SDK1: variants seen among roughly 807,000 people sequenced by gnomAD.
SDK1 encodes protein sidekick-1.
Under a neutral mutation model 245.5 loss-of-function variants are expected in SDK1, and 157 were observed. The ratio of observed to expected loss-of-function variants is 0.64; its 90% CI spans 0.56 to 0.73. The LOEUF (loss-of-function observed/expected upper bound fraction) is 0.73, where lower values mean the gene tolerates loss of function less well. Among genes scored for constraint, SDK1 ranks in the 30% least tolerant of loss-of-function variants. The pLI, the probability that SDK1 is intolerant of heterozygous loss-of-function variation, is 0.00. For synonymous variants in SDK1, 1,647 were observed against 1,278.5 expected (o/e 1.29, Z -6.15); for missense variants, 3,583 against 3,002.3 (o/e 1.19, Z -4.52).
intron 5 of SDK1, among the ~76,000 whole-genome samples, chr7:3,907,858 A>C (rs1229020106): frequency 6.6e-6 from 1 of 152,138 alleles, no homozygotes; most frequent in Non-Finnish European, 1.5e-5. Context: ...TGTGTACACC[A>C]TGTCTACCCA....
intron 43 of SDK1, among the ~76,000 whole-genome samples, chr7:4,245,452 G>A (rs1786789213): frequency 3.3e-5 from 5 of 152,142 alleles, no homozygotes; most frequent in Admixed American, 3.3e-4. Flanking sequence ...CATGCCTGCA[G>A]GCCTAGCACA....
At position 4,169,694 on chromosome 7, in the gene SDK1, C is replaced by T. The variant is rs145563098; in HGVS notation, c.4801-4528C>T. Among the ~76,000 whole-genome samples the T allele has an allele frequency of 7.2e-5, 11 of 152,298 alleles. No homozygotes were observed. In the East Asian group the frequency reaches 2.1e-3, roughly 29 times the overall value. On this transcript the variant is annotated intron_variant, in intron 32 of 44. Transcript: ENST00000404826. Reference sequence around the variant, plus strand: ...GCGGAGCTCAGTGTTTGCGTGCATTCCTCCAGTAACATGCCCTGAGCTCTT... The same window carrying T: ...GCGGAGCTCAGTGTTTGCGTGCATTTCTCCAGTAACATGCCCTGAGCTCTT...
At chr7:3,504,393 A>G (rs1242400417) in intron 1 of SDK1, among the ~76,000 whole-genome samples, 2 of 151,996 alleles carry the variant, frequency 1.3e-5, no homozygotes, top group African/African-American at 2.4e-5. Context: ...TGGAGGACTC[A>G]TATTTTCCAA....
At chr7:3,880,403 G>C (rs773678841) in intron 5 of SDK1, among the ~76,000 whole-genome samples, 1 of 152,162 alleles carries the variant, frequency 6.6e-6, no homozygotes, top group Non-Finnish European at 1.5e-5. Context: ...GAACCAGCAC[G>C]GGGCGGGGGC....
chr7:3,416,304 T>C (rs1387313808), intron 1 of SDK1, among the ~76,000 whole-genome samples: 1 of 152,092 alleles, frequency 6.6e-6, no homozygotes. Flanking sequence ...GGTCTCACTT[T>C]TTTGTGTTCA....
intron 1 of SDK1, among the ~76,000 whole-genome samples, chr7:3,607,975 T>C (rs911710913): frequency 6.6e-6 from 1 of 152,204 alleles, no homozygotes; most frequent in Non-Finnish European, 1.5e-5. Context: ...CCAAAATCAT[T>C]TCATCAGAAT....
At chr7:3,978,362 A>G (rs73673204) in intron 13 of SDK1, among the ~76,000 whole-genome samples, 4,641 of 152,304 alleles carry the variant, frequency 0.03, 227 homozygotes, top group African/African-American at 0.1. Flanking sequence ...TCCTCTAAGT[A>G]AAATACATTT....
chr7:3,432,123 AAAT>A (rs1381461851), intron 1 of SDK1, among the ~76,000 whole-genome samples: 7 of 138,050 alleles, frequency 5.1e-5, no homozygotes, highest in Non-Finnish European at 9.4e-5. Flanking sequence ...AAAAAAAAAA[AAAT>A]ATATATATGT....
At chr7:3,744,827 CAAAA>C (rs912254384) in intron 4 of SDK1, among the ~76,000 whole-genome samples, 6 of 146,320 alleles carry the variant, frequency 4.1e-5, no homozygotes, top group East Asian at 2.0e-4. Flanking sequence ...AACAAACAAA[CAAAA>C]AAAAACAAAA....
intron 4 of SDK1, among the ~76,000 whole-genome samples, chr7:3,702,788 G>A (rs1486744446): frequency 6.6e-6 from 1 of 152,112 alleles, no homozygotes; most frequent in African/African-American, 2.4e-5. Flanking sequence ...TTTACTCATG[G>A]TACTCCTTGA....
chr7:4,183,566 G>A (rs947215080), intron 35 of SDK1, among the ~76,000 whole-genome samples: 21 of 151,444 alleles, frequency 1.4e-4, no homozygotes, highest in Admixed American at 5.9e-4. Flanking sequence ...ACCGGAACCC[G>A]GGAGGCAGAG....
At chr7:3,579,496 C>G (rs1003049134) in intron 1 of SDK1, among the ~76,000 whole-genome samples, 1 of 152,192 alleles carries the variant, frequency 6.6e-6, no homozygotes, top group Non-Finnish European at 1.5e-5. Flanking sequence ...TAAAAACTCT[C>G]AATAAACTAC....
intron 1 of SDK1, among the ~76,000 whole-genome samples, chr7:3,344,321 T>A (rs143943820): frequency 1.3e-5 from 2 of 152,238 alleles, no homozygotes; most frequent in Non-Finnish European, 2.9e-5. Context: ...ACGTTCACAT[T>A]GTCGTGCATC....
At chr7:3,323,204 G>C (rs1297467708) in intron 1 of SDK1, among the ~76,000 whole-genome samples, 1 of 152,092 alleles carries the variant, frequency 6.6e-6, no homozygotes, top group Non-Finnish European at 1.5e-5. Context: ...CTCATTTGCT[G>C]AGTTTCAGTC....
intron 1 of SDK1, among the ~76,000 whole-genome samples, chr7:3,467,285 C>T (rs973358101): frequency 2.6e-5 from 4 of 151,760 alleles, no homozygotes; most frequent in Non-Finnish European, 5.9e-5. Context: ...ACATTTGGAG[C>T]CAATTAAATG....
chr7:3,709,767 A>G (rs1160268808), intron 4 of SDK1, among the ~76,000 whole-genome samples: 1 of 152,222 alleles, frequency 6.6e-6, no homozygotes, highest in Admixed American at 6.5e-5. Context: ...ACATTTGCCT[A>G]GGTACTTTGC....
At chr7:3,891,307 C>T (rs1781452908) in intron 5 of SDK1, among the ~76,000 whole-genome samples, 1 of 152,146 alleles carries the variant, frequency 6.6e-6, no homozygotes, top group African/African-American at 2.4e-5. Flanking sequence ...TTTCGTGGCT[C>T]TGAATCTGCC....
At chr7:4,028,329 G>A (rs755555680) in intron 17 of SDK1, among the ~76,000 whole-genome samples, 1 of 152,160 alleles carries the variant, frequency 6.6e-6, no homozygotes, top group African/African-American at 2.4e-5. Flanking sequence ...ATAGCAGAGG[G>A]CTTGTACCCA....
intron 1 of SDK1, among the ~76,000 whole-genome samples, chr7:3,603,359 G>T (rs553158115): frequency 6.6e-6 from 1 of 150,720 alleles, no homozygotes; most frequent in East Asian, 1.9e-4. Context: ...TTATTTCCTT[G>T]AGCAGTGGTT....
Sources: gnomAD v4.1 joint callset for allele counts (sites outside exome capture counted in the v4.1 genomes callset) on GRCh38, gnomAD v4.1.1 for gene constraint, MANE v1.5 for transcripts, NCBI Gene and HGNC (gene_info 2026-07-23, HGNC 2026-07-21) for gene names.